Variants in RANBP2 observed in about 807,000 individuals in gnomAD.
The protein encoded by RANBP2 is RAN binding protein 2.
RANBP2 carries 57 observed loss-of-function variants against 303.6 expected under a neutral mutation model. That is an observed-to-expected ratio of 0.19 (90% CI 0.15 to 0.23). RANBP2 has a LOEUF of 0.23. Ranked by LOEUF, RANBP2 falls within the 10% of genes least tolerant of loss-of-function variation. The pLI is 1.00. For synonymous variants in RANBP2, 1,167 were observed against 1,301.5 expected, an observed-to-expected ratio of 0.90 and a Z score of 2.23; for missense variants, 3,138 against 3,780.8, an observed-to-expected ratio of 0.83 and a Z score of 4.46.
At chr2:109,199,607 T>TCGTTCC in the RANBP2 span, among the ~76,000 whole-genome samples, 1 of 274 alleles carries the variant, frequency 3.6e-3, no homozygotes. Flanking sequence ...TGGAATGGAA[T>TCGTTCC]GGAATGGAAT....
the RANBP2 span, among the ~76,000 whole-genome samples, chr2:108,828,324 A>C: frequency 1.3e-5 from 2 of 152,244 alleles, no homozygotes; most frequent in Non-Finnish European, 2.9e-5. Context: ...ACGTAAAAAC[A>C]TAAAACTTTT....
At chr2:108,739,062 C>G (rs1695855353) in intron 6 of RANBP2, among the ~76,000 whole-genome samples, 1 of 152,116 alleles carries the variant, frequency 6.6e-6, no homozygotes, top group African/African-American at 2.4e-5. Flanking sequence ...TTCTCATTTA[C>G]TTCCTCTTTC....
At chr2:109,195,826 T>C in the RANBP2 span, among the ~76,000 whole-genome samples, 1 of 152,184 alleles carries the variant, frequency 6.6e-6, no homozygotes, top group Non-Finnish European at 1.5e-5. Context: ...ACCTGCTGAT[T>C]TGTGTCGCCT....
chr2:109,521,758 A>G, the RANBP2 span, among the ~76,000 whole-genome samples: 1 of 152,198 alleles, frequency 6.6e-6, no homozygotes, highest in Non-Finnish European at 1.5e-5. Flanking sequence ...GAGTCCCCTG[A>G]GCAAAGCCTA....
the RANBP2 span, among the ~76,000 whole-genome samples, chr2:108,991,554 C>T: frequency 1.1e-4 from 17 of 152,170 alleles, no homozygotes; most frequent in African/African-American, 1.7e-4. Context: ...CATAACAGCC[C>T]GGCCAGCCAC....
the RANBP2 span, among the ~76,000 whole-genome samples, chr2:109,130,732 A>G: frequency 3.3e-5 from 5 of 152,222 alleles, 1 homozygote; most frequent in South Asian, 6.2e-4. Context: ...CTGGGCTCCC[A>G]GGCAGGGTTG....
chr2:109,546,365 G>C, the RANBP2 span: 1 of 505,836 alleles, frequency 2.0e-6, no homozygotes, highest in South Asian at 6.5e-5. Context: ...AAATCTTTCT[G>C]AAGTCTCAGA....
the RANBP2 span, among the ~76,000 whole-genome samples, chr2:109,523,616 G>C: frequency 3.3e-5 from 5 of 151,892 alleles, no homozygotes; most frequent in Admixed American, 3.3e-4. Flanking sequence ...CTGAGAGGTG[G>C]AGACCTGGGA....
At chr2:109,471,956 A>T in the RANBP2 span, among the ~76,000 whole-genome samples, 1 of 152,120 alleles carries the variant, frequency 6.6e-6, no homozygotes. Flanking sequence ...GAAGCAGGCC[A>T]TTTTCCTCCA....
the RANBP2 span, among the ~76,000 whole-genome samples, chr2:109,559,456 C>G: frequency 6.6e-6 from 1 of 152,192 alleles, no homozygotes; most frequent in Non-Finnish European, 1.5e-5. Context: ...AGTCCGTAGC[C>G]TGACCTAAGC....
the RANBP2 span, among the ~76,000 whole-genome samples, chr2:109,102,384 G>A: frequency 6.6e-5 from 10 of 150,922 alleles, no homozygotes; most frequent in East Asian, 1.8e-3. Context: ...ACAGGTGTGA[G>A]CCACCGCGCC....
At chr2:108,963,243 G>A in the RANBP2 span, among the ~76,000 whole-genome samples, 1 of 152,154 alleles carries the variant, frequency 6.6e-6, no homozygotes, top group Non-Finnish European at 1.5e-5. Flanking sequence ...TGTGGCCAAC[G>A]TAAAAGGGCT....
chr2:109,188,973 A>G, the RANBP2 span, among the ~76,000 whole-genome samples: 4 of 150,928 alleles, frequency 2.7e-5, no homozygotes, highest in Non-Finnish European at 5.9e-5. Context: ...TACTCTTTTC[A>G]TCTTGTGAAA....
the RANBP2 span, among the ~76,000 whole-genome samples, chr2:109,311,843 T>C: frequency 7.0e-6 from 1 of 143,204 alleles, no homozygotes; most frequent in Non-Finnish European, 1.5e-5. Context: ...CCTTTCTTTA[T>C]TGTTATTTTT....
At chr2:109,161,970 C>T in the RANBP2 span, among the ~76,000 whole-genome samples, 110 of 152,148 alleles carry the variant, frequency 7.2e-4, no homozygotes, top group Middle Eastern at 3.4e-3. Flanking sequence ...TCTTATATGT[C>T]GCAGGTGTCT....
the RANBP2 span, among the ~76,000 whole-genome samples, chr2:108,801,881 AG>A: frequency 1.4e-4 from 5 of 35,014 alleles, no homozygotes; most frequent in African/African-American, 2.9e-4. Context: ...TTTATTAAAT[AG>A]GGAATCCTTT....
chr2:108,965,827 C>T, the RANBP2 span, among the ~76,000 whole-genome samples: 23 of 152,100 alleles, frequency 1.5e-4, no homozygotes, highest in Admixed American at 7.2e-4. Context: ...AGCACCCTCT[C>T]CTCCCCTCCT....
the RANBP2 span, among the ~76,000 whole-genome samples, chr2:109,143,072 G>A: frequency 3.9e-5 from 6 of 152,264 alleles, no homozygotes; most frequent in South Asian, 4.1e-4. Context: ...CCCTGAGCCC[G>A]GGAACCCAGT....
At chr2:109,273,348 T>A in the RANBP2 span, among the ~76,000 whole-genome samples, 1 of 152,198 alleles carries the variant, frequency 6.6e-6, no homozygotes, top group Non-Finnish European at 1.5e-5. Context: ...CTTCCCTTGG[T>A]CATCCCAAGC....
Sources: allele counts gnomAD v4.1 joint callset (sites outside exome capture counted in the v4.1 genomes callset), GRCh38; gene constraint gnomAD v4.1.1; transcripts MANE v1.5; gene names NCBI Gene and HGNC (gene_info 2026-07-23, HGNC 2026-07-21).